Variants in ATG14 observed in about 807,000 individuals in gnomAD.
ATG14 encodes beclin 1-associated autophagy-related key regulator.
ATG14 carries 35 observed loss-of-function variants against 60.4 expected under a neutral mutation model. That is an observed-to-expected ratio of 0.58 (90% CI 0.44 to 0.77). ATG14 has a LOEUF of 0.77. ATG14 is among the 30% of genes least tolerant of loss of function. ATG14 has a pLI of 0.00. For synonymous variants in ATG14, 234 were observed against 228.8 expected (o/e 1.02, Z -0.21); for missense variants, 647 against 626.3 (o/e 1.03, Z -0.35).
At position 55,382,180 on chromosome 14, in the gene ATG14, T is replaced by A. The variant is rs766626595; in HGVS notation, c.659A>T (p.Asp220Val). The A allele has an allele frequency of 6.2e-7, 1 of 1,614,160 alleles. No individual in the cohort carries two copies. The highest frequency in any genetic ancestry group is 8.5e-7 in the Non-Finnish European group (1 of 1,180,012). Reference sequence around the variant, plus strand: ...GGCACTGTCACTCTCTGAAGACACATCTGCGGGGTCTCTACAAGTAGGAAG... The same window carrying A: ...GGCACTGTCACTCTCTGAAGACACAACTGCGGGGTCTCTACAAGTAGGAAG... ...EVKTGVRDPA[D>V]VSSESDSAMT... The change falls in exon 6 of 10, where the codon GAT (aspartate) becomes GTT (valine). Residue 220 changes from aspartate to valine, a missense_variant. By Grantham distance (152) the Asp-to-Val change is radical. Coordinates refer to ENST00000247178, the MANE Select transcript of ATG14 (RefSeq NM_014924.5).
intron 9 of ATG14, among the ~76,000 whole-genome samples, chr14:55,373,374 C>T (rs10131730): frequency 0.3 from 44,989 of 151,954 alleles, 7,037 homozygotes; most frequent in Non-Finnish European, 0.33. Flanking sequence ...CATTGATGGA[C>T]ACAGAAACTG....
intron 5 of ATG14, among the ~76,000 whole-genome samples, chr14:55,383,592 A>G (rs1448313139): frequency 6.6e-6 from 1 of 151,614 alleles, no homozygotes; most frequent in Non-Finnish European, 1.5e-5. Flanking sequence ...CAACAACAAA[A>G]AAAACCCCCA....
rs1884760968 is a variant in ATG14, at chr14:55,369,458, A to C, written c.*161T>G. On this transcript the variant is annotated 3_prime_UTR_variant, in exon 10 of 10. Transcript: ENST00000247178. Reference sequence around the variant, plus strand: ...TGGTCACCATCACAGGCCACTTGGCAAATAGAAATGTTTGTCTCCCTGCTT... The same window carrying C: ...TGGTCACCATCACAGGCCACTTGGCCAATAGAAATGTTTGTCTCCCTGCTT... 7 of 661,994 alleles carry C rather than the reference A, an allele frequency of 1.1e-5. No homozygotes were observed. The South Asian group carries it at 1.8e-4, about 17-fold the overall frequency. 41.0% of individuals were successfully genotyped at this position (661,994 alleles called of 1,614,324 possible).
intron 5 of ATG14, among the ~76,000 whole-genome samples, chr14:55,383,579 C>T (rs777692819): frequency 2.0e-5 from 3 of 151,134 alleles, no homozygotes; most frequent in Admixed American, 1.3e-4. Flanking sequence ...AAAACAACAA[C>T]AACAACAACA....
At chr14:55,371,575 G>A (rs578195398) in intron 9 of ATG14, among the ~76,000 whole-genome samples, 1 of 152,012 alleles carries the variant, frequency 6.6e-6, no homozygotes, top group African/African-American at 2.4e-5. Context: ...GGGAGGCTGC[G>A]GCGGGCAGAT....
intron 1 of ATG14, among the ~76,000 whole-genome samples, chr14:55,402,309 C>T (rs1198241548): frequency 6.6e-6 from 1 of 152,042 alleles, no homozygotes; most frequent in Non-Finnish European, 1.5e-5. Context: ...AATGAAAAGT[C>T]TCAGAAACAC....
Position 55,383,596 on chromosome 14 carries a change from A to C in ATG14, c.648-1405T>G, listed in dbSNP as rs191887767. ...AACAACAACAACAACAACAAAAAAA[A>C]CCCCCAAGAACAACAAAAAATAACA... On this transcript the variant is annotated intron_variant, in intron 5 of 9. Transcript: ENST00000247178. 9.5e-3 allele frequency among the ~76,000 whole-genome samples: 1,440 copies of C among 151,356 alleles called. 16 individuals carry two copies. The highest frequency in any genetic ancestry group is 0.034 in the Middle Eastern group (10 of 292).
At chr14:55,374,184 G>T (rs1180734309) in intron 9 of ATG14, among the ~76,000 whole-genome samples, 1 of 151,994 alleles carries the variant, frequency 6.6e-6, no homozygotes, top group Non-Finnish European at 1.5e-5. Context: ...AACTTGTTTT[G>T]AATTGCATTT....
Position 55,411,585 on chromosome 14 carries a change from CGTGGCGGCCGCCGTACCTCTCCCG to C in ATG14, c.214_221+16del. The C allele has an allele frequency of 6.3e-7, 1 of 1,592,820 alleles. No individual in the cohort carries two copies. Among genetic ancestry groups the C allele is most frequent in the South Asian group, 1.1e-5 (1 of 88,384 alleles). ...CACACAGCAGAAGAAACAATAGGGCCGTGGCGGCCGCCGTACCTCTCCCGGTCGCGGCCGTCGAAGTAGACGAAA... is the reference window on the plus strand; with the variant it reads ...CACACAGCAGAAGAAACAATAGGGCCGTCGCGGCCGTCGAAGTAGACGAAA... On this transcript the variant is annotated splice_donor_variant and splice_donor_5th_base_variant and coding_sequence_variant and intron_variant, in exon 1 of 10. Coordinates refer to ENST00000247178, the MANE Select transcript of ATG14 (RefSeq NM_014924.5). LOFTEE classifies it high-confidence loss of function.
At chr14:55,374,058 C>G (rs1327123187) in intron 9 of ATG14, among the ~76,000 whole-genome samples, 1 of 152,216 alleles carries the variant, frequency 6.6e-6, no homozygotes, top group Non-Finnish European at 1.5e-5. Flanking sequence ...CTACAGAAAA[C>G]TTCAGACCCG....
intron 7 of ATG14, among the ~76,000 whole-genome samples, chr14:55,379,269 T>C (rs28631821): frequency 0.56 from 84,552 of 151,796 alleles, 26,554 homozygotes; most frequent in African/African-American, 0.87. Context: ...GGTGCAGTGG[T>C]TCATGCCTGT....
chr14:55,392,135 A>G (rs1885228422), intron 3 of ATG14, among the ~76,000 whole-genome samples: 1 of 152,086 alleles, frequency 6.6e-6, no homozygotes, highest in Non-Finnish European at 1.5e-5. Flanking sequence ...GGAGTGCACA[A>G]CCTAGATCCC....
At chr14:55,381,856 A>G (rs770504770) in intron 6 of ATG14, 106 bp downstream of exon 6, 2 of 895,738 alleles carry the variant, frequency 2.2e-6, no homozygotes, top group Non-Finnish European at 3.5e-6. Flanking sequence ...CTGTGAATGT[A>G]CTAAATGCCC....
chr14:55,397,989 C>T (rs1717655876), intron 1 of ATG14, among the ~76,000 whole-genome samples: 1 of 147,186 alleles, frequency 6.8e-6, no homozygotes. Flanking sequence ...ATTCTGTCAC[C>T]CAGGCTGGGG....
chr14:55,394,824 A>T (rs1412317399), intron 3 of ATG14: 1 of 304,606 alleles, frequency 3.3e-6, no homozygotes, highest in African/African-American at 2.2e-5. Flanking sequence ...GGATATAAAA[A>T]CTAACCCCCC....
Position 55,369,720 on chromosome 14 carries a change from G to C in ATG14, c.1378C>G (p.Gln460Glu). 6.2e-7 allele frequency: 1 copy of C among 1,612,542 alleles called. No individual in the cohort carries two copies. The highest frequency in any genetic ancestry group is 8.5e-7 in the Non-Finnish European group (1 of 1,178,832). Residue 460 changes from glutamine to glutamate, a missense_variant, in exon 10 of 10, where the codon CAG becomes GAG. Physicochemically the swap from Gln to Glu is conservative, Grantham distance 29 (BLOSUM62 2). Coordinates refer to ENST00000247178, the MANE Select transcript of ATG14 (RefSeq NM_014924.5). Reference sequence around the variant, plus strand: ...CTGCTCGCGATGGGTGGGGACGCCTGGGTGCTCTGACTCTGGGAGACTTCC... The same window carrying C: ...CTGCTCGCGATGGGTGGGGACGCCTCGGTGCTCTGACTCTGGGAGACTTCC... ...SVEVSQSQSTQASPPIASSSA... is the reference protein window; with the variant it reads ...SVEVSQSQSTEASPPIASSSA...
In ATG14 at chr14:55,369,286, T is replaced by C. The variant is rs551108923; in HGVS notation, c.*333A>G. On this transcript the variant is annotated 3_prime_UTR_variant, in exon 10 of 10. Coordinates refer to ENST00000247178, the MANE Select transcript of ATG14 (RefSeq NM_014924.5). ...AAGGACCAGCACACTGACCCATATC[T>C]GTGGGCCCGGTGGCCCGGGCCCAGA... 12 of 189,780 alleles carry C rather than the reference T, an allele frequency of 6.3e-5. No individual in the cohort carries two copies. Among genetic ancestry groups the C allele is most frequent in the Non-Finnish European group, 9.7e-5 (9 of 93,064 alleles). 11.8% of individuals were successfully genotyped at this position (189,780 alleles called of 1,614,324 possible).
chr14:55,381,530 A>G (rs1244074259), intron 6 of ATG14, among the ~76,000 whole-genome samples: 1 of 152,250 alleles, frequency 6.6e-6, no homozygotes, highest in East Asian at 1.9e-4. Flanking sequence ...AATAAATAAA[A>G]TGTGTCTTAT....
At chr14:55,373,013 A>G (rs199732486) in intron 9 of ATG14, among the ~76,000 whole-genome samples, 12 of 99,594 alleles carry the variant, frequency 1.2e-4, no homozygotes, top group Admixed American at 9.2e-4. Context: ...GCAGGAGGAG[A>G]GGCCCCTGCG....
Sources: gnomAD v4.1 joint callset for allele counts (sites outside exome capture counted in the v4.1 genomes callset) on GRCh38, gnomAD v4.1.1 for gene constraint, MANE v1.5 for transcripts, NCBI Gene and HGNC (gene_info 2026-07-23, HGNC 2026-07-21) for gene names.